TRPC4: variants seen among roughly 807,000 people sequenced by gnomAD.
TRPC4 encodes short transient receptor potential channel 4.
In TRPC4, 49 loss-of-function variants were observed where a neutral mutation model predicts 99.4. The ratio of observed to expected loss-of-function variants is 0.49; its 90% confidence interval spans 0.39 to 0.63. The LOEUF (loss-of-function observed/expected upper bound fraction) is 0.63, where lower values mean the gene tolerates loss of function less well. Ranked by LOEUF, TRPC4 falls within the 20% of genes least tolerant of loss-of-function variation. The probability of loss-of-function intolerance (pLI) is 0.00; values close to 1 mark genes in which losing one functional copy is unlikely to be tolerated. For synonymous variants in TRPC4, 454 were observed against 425.9 expected (o/e 1.07, Z -0.81); for missense variants, 898 against 1,152.9 (o/e 0.78, Z 3.20).
intron 6 of TRPC4, among the ~76,000 whole-genome samples, chr13:37,660,743 A>G (rs1329202211): frequency 1.3e-5 from 2 of 152,320 alleles, no homozygotes; most frequent in African/African-American, 4.8e-5. Context: ...TTTAACCTTC[A>G]CATAGAATAA....
chr13:37,805,600 T>C (rs1957510809), intron 1 of TRPC4, among the ~76,000 whole-genome samples: 1 of 152,072 alleles, frequency 6.6e-6, no homozygotes, highest in Non-Finnish European at 1.5e-5. Context: ...ACTCTGAGGT[T>C]TTCTTCTTTT....
At chr13:37,820,927 C>A (rs1829868134) in intron 1 of TRPC4, among the ~76,000 whole-genome samples, 2 of 151,856 alleles carry the variant, frequency 1.3e-5, no homozygotes, top group Admixed American at 6.6e-5. Context: ...TACTGGAAGA[C>A]CTAGCCCAAG....
intron 3 of TRPC4, among the ~76,000 whole-genome samples, chr13:37,733,973 G>T (rs553303279): frequency 6.6e-6 from 1 of 152,236 alleles, no homozygotes; most frequent in East Asian, 1.9e-4. Context: ...TCACTGAGAA[G>T]GTGATAATAT....
intron 5 of TRPC4, among the ~76,000 whole-genome samples, chr13:37,672,274 C>A (rs1396835939): frequency 1.3e-5 from 2 of 152,056 alleles, no homozygotes; most frequent in African/African-American, 4.8e-5. Flanking sequence ...TAAATACAAA[C>A]ATGATATAGC....
chr13:37,812,304 T>C (rs901067874), intron 1 of TRPC4, among the ~76,000 whole-genome samples: 1 of 151,106 alleles, frequency 6.6e-6, no homozygotes, highest in Non-Finnish European at 1.5e-5. Flanking sequence ...AAATTTATAG[T>C]ATCTATCATC....
chr13:37,716,228 G>T (rs182565188), intron 3 of TRPC4, among the ~76,000 whole-genome samples: 1 of 152,134 alleles, frequency 6.6e-6, no homozygotes, highest in African/African-American at 2.4e-5. Flanking sequence ...ATAATGCTTT[G>T]GCAATCACCT....
chr13:37,663,788 A>C, intron 5 of TRPC4, 59 bp from the exon 6 acceptor site: 100 of 1,415,106 alleles, frequency 7.1e-5, no homozygotes, highest in Non-Finnish European at 8.7e-5. Context: ...TAAATAGATC[A>C]AGGTCAGACC....
At chr13:37,693,163 T>C (rs1953778235) in intron 3 of TRPC4, among the ~76,000 whole-genome samples, 2 of 152,172 alleles carry the variant, frequency 1.3e-5, no homozygotes, top group South Asian at 2.1e-4. Context: ...TCAGTATTTC[T>C]CAGATTTTTT....
rs552875805 is a variant in TRPC4, at chr13:37,731,319, A to G, written c.897+14618T>C. ...AAAACACTCAATTCACACAGTCAGCACACAGAGGCATCAAAGACTGATGCT... is the reference window on the plus strand; with the variant it reads ...AAAACACTCAATTCACACAGTCAGCGCACAGAGGCATCAAAGACTGATGCT... On this transcript the variant is annotated intron_variant, in intron 3 of 10. Transcript: ENST00000379705. Among the ~76,000 whole-genome samples, 15 of 152,190 alleles carry G rather than the reference A, an allele frequency of 9.9e-5. No homozygotes were observed. In the East Asian group the frequency reaches 2.9e-3, roughly 29 times the overall value.
rs2985164 is a variant in TRPC4 at position 37,633,670 on chromosome 13, G to A, written c.*3233C>T. 0.29 allele frequency among the ~76,000 whole-genome samples: 44,549 copies of A among 151,922 alleles called. 7,012 individuals carry two copies. The highest frequency in any genetic ancestry group is 0.35 in the Non-Finnish European group (24,004 of 67,880). Reference sequence around the variant, plus strand: ...TAAAGTATTTCAAGTTGCTGTCTACGTCAAGGCAAGAAAGTGAGTATGTTT... The same window carrying A: ...TAAAGTATTTCAAGTTGCTGTCTACATCAAGGCAAGAAAGTGAGTATGTTT... On this transcript the variant is annotated 3_prime_UTR_variant, in exon 11 of 11. Coordinates refer to ENST00000379705, the MANE Select transcript of TRPC4 (RefSeq NM_016179.4).
chr13:37,710,753 G>C (rs1484514150), intron 3 of TRPC4, among the ~76,000 whole-genome samples: 1 of 151,738 alleles, frequency 6.6e-6, no homozygotes, highest in South Asian at 2.1e-4. Context: ...TGTCTCTAAG[G>C]TATAAAATCT....
intron 1 of TRPC4, among the ~76,000 whole-genome samples, chr13:37,802,940 C>A (rs1957441280): frequency 1.3e-5 from 2 of 151,798 alleles, no homozygotes; most frequent in African/African-American, 4.8e-5. Context: ...ACTTTGATTT[C>A]TTAAGGAAAA....
chr13:37,645,205 A>G (rs563558339), intron 8 of TRPC4, among the ~76,000 whole-genome samples: 1 of 152,150 alleles, frequency 6.6e-6, no homozygotes, highest in East Asian at 2.0e-4. Context: ...CTAATTTGTT[A>G]GGGCAGGACA....
intron 2 of TRPC4, among the ~76,000 whole-genome samples, chr13:37,751,966 C>G (rs1326958958): frequency 7.3e-5 from 11 of 150,184 alleles, no homozygotes; most frequent in Non-Finnish European, 1.5e-5. Context: ...TAATCTGAAA[C>G]TTTCAGTTCT....
chr13:37,753,161 A>T (rs1037579550), intron 2 of TRPC4, among the ~76,000 whole-genome samples: 6 of 152,116 alleles, frequency 3.9e-5, no homozygotes, highest in Non-Finnish European at 8.8e-5. Context: ...TGGAACTAGC[A>T]ATGTAAAACA....
At chr13:37,782,296 T>G (rs1291696823) in intron 2 of TRPC4, among the ~76,000 whole-genome samples, 2 of 152,142 alleles carry the variant, frequency 1.3e-5, no homozygotes, top group Non-Finnish European at 2.9e-5. Flanking sequence ...GTATTTATAA[T>G]TGTGTGCCAT....
intron 1 of TRPC4, among the ~76,000 whole-genome samples, chr13:37,807,345 C>G (rs9532122): frequency 0.18 from 28,049 of 151,888 alleles, 2,692 homozygotes; most frequent in Middle Eastern, 0.2. Context: ...CATAATTAAA[C>G]AGTATCCTAA....
At chr13:37,842,226 C>T (rs375871218) in intron 1 of TRPC4, among the ~76,000 whole-genome samples, 12 of 147,530 alleles carry the variant, frequency 8.1e-5, no homozygotes, top group African/African-American at 2.8e-4. Flanking sequence ...GTGGAGATCT[C>T]GCCACTGCAC....
intron 8 of TRPC4, among the ~76,000 whole-genome samples, chr13:37,640,400 G>A (rs1249503340): frequency 6.6e-6 from 1 of 152,022 alleles, no homozygotes; most frequent in Non-Finnish European, 1.5e-5. Flanking sequence ...CAGAGAAATA[G>A]AAGAAAATGC....
Sources: gnomAD v4.1 joint callset for allele counts (sites outside exome capture counted in the v4.1 genomes callset) on GRCh38, gnomAD v4.1.1 for gene constraint, MANE v1.5 for transcripts, NCBI Gene and HGNC (gene_info 2026-07-23, HGNC 2026-07-21) for gene names.